The following GTF2IRD1 variants were observed in gnomAD, a reference collection of about 807,000 sequenced individuals.
GTF2IRD1 encodes GTF2I repeat domain containing 1, also known as general transcription factor II-I repeat domain-containing protein 1.
In GTF2IRD1, 26 loss-of-function variants were observed where a neutral mutation model predicts 113.2. The ratio of observed to expected loss-of-function variants is 0.23; its 90% CI spans 0.17 to 0.32. GTF2IRD1 has a LOEUF of 0.32. Among genes scored for constraint, GTF2IRD1 ranks in the 10% least tolerant of loss-of-function variants. The pLI is 1.00. For synonymous variants in GTF2IRD1, 484 were observed against 529.1 expected (o/e 0.91, Z 1.17); for missense variants, 864 against 1,280.8 (o/e 0.67, Z 4.97).
chr7:74,477,102 G>A (rs1383698388), intron 1 of GTF2IRD1, among the ~76,000 whole-genome samples: 15 of 152,066 alleles, frequency 9.9e-5, no homozygotes, highest in African/African-American at 2.7e-4. Context: ...GGTGGATCGC[G>A]CCTGTAATCC....
intron 1 of GTF2IRD1, among the ~76,000 whole-genome samples, chr7:74,476,363 C>T (rs1794404768): frequency 2.1e-5 from 1 of 47,202 alleles, no homozygotes; most frequent in African/African-American, 8.6e-5. Context: ...CCTTCTGAAC[C>T]TCCTTTTTTT....
chr7:74,561,065 C>T (rs1303481838), intron 22 of GTF2IRD1, among the ~76,000 whole-genome samples: 6 of 151,792 alleles, frequency 4.0e-5, no homozygotes, highest in East Asian at 3.9e-4. Flanking sequence ...GCCTCCAGGG[C>T]GGGCCAGGCA....
At chr7:74,559,521 A>G (rs782547875) in intron 21 of GTF2IRD1, 106 bp from the exon 22 acceptor site, 6 of 881,172 alleles carry the variant, frequency 6.8e-6, no homozygotes, top group South Asian at 3.1e-5. Context: ...CTGCTGCTGT[A>G]GGTCTGGGGT....
intron 4 of GTF2IRD1, 118 bp downstream of exon 4, chr7:74,515,714 A>C: frequency 1.3e-6 from 1 of 798,964 alleles, no homozygotes; most frequent in Non-Finnish European, 2.0e-6. Context: ...CCGGACCCCA[A>C]GGCATGGGGC....
intron 1 of GTF2IRD1, among the ~76,000 whole-genome samples, chr7:74,470,257 T>G (rs1554331985): frequency 6.6e-6 from 1 of 152,160 alleles, no homozygotes; most frequent in African/African-American, 2.4e-5. Context: ...AGTGCTGAGA[T>G]AGATAAGCAT....
intron 22 of GTF2IRD1, among the ~76,000 whole-genome samples, chr7:74,586,334 G>A (rs1554367781): frequency 6.6e-6 from 1 of 152,146 alleles, no homozygotes; most frequent in Admixed American, 6.6e-5. Flanking sequence ...GCCCGTGTTG[G>A]GTCACAGGAG....
chr7:74,573,884 A>C (rs766132972), intron 22 of GTF2IRD1, among the ~76,000 whole-genome samples: 1 of 152,360 alleles, frequency 6.6e-6, no homozygotes, highest in Non-Finnish European at 1.5e-5. Context: ...GCGCAGGTGC[A>C]GTCACTCATT....
At chr7:74,556,441 C>T (rs1419709038) in intron 19 of GTF2IRD1, among the ~76,000 whole-genome samples, 1 of 151,472 alleles carries the variant, frequency 6.6e-6, no homozygotes, top group African/African-American at 2.4e-5. Context: ...CTGCCTCAGG[C>T]TCCCAAGTAG....
At chr7:74,519,308 T>G in intron 5 of GTF2IRD1, 101 bp from the exon 6 acceptor site, 2 of 743,446 alleles carry the variant, frequency 2.7e-6, no homozygotes, top group Non-Finnish European at 4.3e-6. Flanking sequence ...CATGGGGCTG[T>G]TATGTTCTGC....
intron 22 of GTF2IRD1, among the ~76,000 whole-genome samples, chr7:74,580,029 C>T (rs587640337): frequency 3.7e-4 from 57 of 152,256 alleles, no homozygotes; most frequent in African/African-American, 1.3e-3. Flanking sequence ...GTCTCTGCCC[C>T]GCTGCAGCTT....
At chr7:74,489,078 G>C (rs971702184) in intron 1 of GTF2IRD1, among the ~76,000 whole-genome samples, 2 of 151,690 alleles carry the variant, frequency 1.3e-5, no homozygotes, top group Non-Finnish European at 2.9e-5. Context: ...GGAGGCAGAA[G>C]TTGCAGTGAG....
At position 74,486,143 on chromosome 7, in the gene GTF2IRD1, G is replaced by A. The variant is rs556106833; in HGVS notation, c.-6-21932G>A. On this transcript the variant is annotated intron_variant, in intron 1 of 26. Transcript: ENST00000424337. ...CCAACACCACGCCCAGCTAATTTTTGTATTTTTAGTAGAGATGTGGTTTCA... is the reference window on the plus strand; with the variant it reads ...CCAACACCACGCCCAGCTAATTTTTATATTTTTAGTAGAGATGTGGTTTCA... Among the ~76,000 whole-genome samples the A allele has an allele frequency of 3.9e-5, 6 of 152,102 alleles. No individual in the cohort carries two copies. The South Asian group carries it at 8.3e-4, about 21-fold the overall frequency.
chr7:74,533,388 G>A (rs2130500373), intron 9 of GTF2IRD1, among the ~76,000 whole-genome samples: 1 of 152,212 alleles, frequency 6.6e-6, no homozygotes, highest in Admixed American at 6.5e-5. Context: ...ACCTGCCTGG[G>A]CTTCCCAAAG....
At chr7:74,516,878 GT>G (rs1796958907) in intron 4 of GTF2IRD1, among the ~76,000 whole-genome samples, 1 of 152,188 alleles carries the variant, frequency 6.6e-6, no homozygotes, top group South Asian at 2.1e-4. Context: ...TAGCATGGAG[GT>G]GACAACAGAT....
At chr7:74,462,541 G>A (rs1469996131) in intron 1 of GTF2IRD1, among the ~76,000 whole-genome samples, 1 of 152,194 alleles carries the variant, frequency 6.6e-6, no homozygotes, top group African/African-American at 2.4e-5. Context: ...GTGTTCCATG[G>A]TGTGGATATG....
At chr7:74,485,519 A>T (rs1794971453) in intron 1 of GTF2IRD1, among the ~76,000 whole-genome samples, 1 of 152,072 alleles carries the variant, frequency 6.6e-6, no homozygotes, top group African/African-American at 2.4e-5. Context: ...CGGGAGGCTG[A>T]GGCAGGAGAA....
At chr7:74,482,115 A>G (rs781965091) in intron 1 of GTF2IRD1, among the ~76,000 whole-genome samples, 5 of 151,776 alleles carry the variant, frequency 3.3e-5, no homozygotes, top group Middle Eastern at 3.4e-3. Flanking sequence ...GCGGAACTGT[A>G]CCATCTGTAG....
Position 74,539,934 on chromosome 7 carries a change from G to T in GTF2IRD1, c.1584G>T (p.Ser528=), listed in dbSNP as rs782569260. The change falls in exon 14 of 27, where the codon TCG becomes TCT. Residue 528 remains serine (S), a synonymous_variant. Transcript: ENST00000424337. ...MTDSMPGHLP[S]EDSGYGMEML... Reference sequence around the variant, plus strand: ...ACTCGATGCCTGGGCACCTGCCATCGGAGGATTCTGGTTATGGGATGGAGA... The same window carrying T: ...ACTCGATGCCTGGGCACCTGCCATCTGAGGATTCTGGTTATGGGATGGAGA... 8 of 1,613,334 alleles carry T rather than the reference G, an allele frequency of 5.0e-6. No homozygotes were observed. Among genetic ancestry groups the T allele is most frequent in the Non-Finnish European group, 5.9e-6 (7 of 1,179,684 alleles).
intron 16 of GTF2IRD1, among the ~76,000 whole-genome samples, 186 bp from the exon 17 acceptor site, chr7:74,546,917 G>A (rs1798978181): frequency 1.3e-5 from 2 of 152,036 alleles, no homozygotes; most frequent in African/African-American, 4.8e-5. Context: ...GACAAGTCAC[G>A]TCCCCTCTGA....
Sources: gnomAD v4.1 joint callset for allele counts (sites outside exome capture counted in the v4.1 genomes callset) on GRCh38, gnomAD v4.1.1 for gene constraint, MANE v1.5 for transcripts, NCBI Gene and HGNC (gene_info 2026-07-23, HGNC 2026-07-21) for gene names.